Variants in TMEFF2 observed in about 807,000 individuals in gnomAD.
TMEFF2 encodes tomoregulin-2.
TMEFF2 carries 28 observed loss-of-function variants against 53.8 expected under a neutral mutation model. The ratio of observed to expected loss-of-function variants is 0.52; its 90% CI spans 0.39 to 0.71. The LOEUF is 0.71. Ranked by LOEUF, TMEFF2 falls within the 30% of genes least tolerant of loss-of-function variation. The pLI, the probability that TMEFF2 is intolerant of heterozygous loss-of-function variation, is 0.00. For synonymous variants in TMEFF2, 162 were observed against 166.3 expected, an observed-to-expected ratio of 0.97 and a Z score of 0.20; for missense variants, 353 against 455.2, an observed-to-expected ratio of 0.78 and a Z score of 2.04.
At chr2:192,167,515 A>G (rs1351898656) in intron 4 of TMEFF2, among the ~76,000 whole-genome samples, 5 of 152,192 alleles carry the variant, frequency 3.3e-5, no homozygotes, top group Non-Finnish European at 7.3e-5. Flanking sequence ...TTTCTACAAA[A>G]TGCTGAACAT....
intron 4 of TMEFF2, among the ~76,000 whole-genome samples, chr2:192,083,282 TC>T (rs2105927520): frequency 6.6e-6 from 1 of 152,230 alleles, no homozygotes; most frequent in African/African-American, 2.4e-5. Context: ...TCCTAGTCTG[TC>T]CCCAGTTCTC....
intron 4 of TMEFF2, among the ~76,000 whole-genome samples, chr2:192,101,497 A>G (rs1689030972): frequency 6.8e-6 from 1 of 148,044 alleles, no homozygotes; most frequent in Non-Finnish European, 1.5e-5. Flanking sequence ...TTTTCTCTAC[A>G]TGAATAAATA....
chr2:192,014,836 G>A (rs1686709976), intron 5 of TMEFF2, among the ~76,000 whole-genome samples: 1 of 152,156 alleles, frequency 6.6e-6, no homozygotes, highest in South Asian at 2.1e-4. Flanking sequence ...GAGTATCAAT[G>A]TATTACTTAT....
At chr2:192,050,014 A>G (rs1687728837) in intron 5 of TMEFF2, among the ~76,000 whole-genome samples, 1 of 152,154 alleles carries the variant, frequency 6.6e-6, no homozygotes, top group Admixed American at 6.5e-5. Flanking sequence ...CAAACAAACA[A>G]AAAAAGCAAG....
chr2:192,034,000 C>G (rs892567648), intron 5 of TMEFF2, among the ~76,000 whole-genome samples: 6 of 151,672 alleles, frequency 4.0e-5, no homozygotes, highest in Non-Finnish European at 7.4e-5. Flanking sequence ...ATGGTGAAAC[C>G]CCATCTCTAC....
intron 7 of TMEFF2, among the ~76,000 whole-genome samples, chr2:191,971,319 G>A (rs984220642): frequency 1.3e-5 from 2 of 152,160 alleles, no homozygotes; most frequent in African/African-American, 4.8e-5. Context: ...ATCAATAGGG[G>A]TTATAAAACA....
chr2:192,103,482 G>C (rs1200575018), intron 4 of TMEFF2, among the ~76,000 whole-genome samples: 2 of 152,052 alleles, frequency 1.3e-5, no homozygotes, highest in African/African-American at 4.8e-5. Flanking sequence ...TTCCATTTCA[G>C]ATGTACAGTA....
Position 192,140,535 on chromosome 2 carries a change from T to G in TMEFF2, c.439+39133A>C, listed in dbSNP as rs11894659. Among the ~76,000 whole-genome samples, 357 of 152,068 alleles carry G rather than the reference T, an allele frequency of 2.3e-3. 1 individual carries two copies. The highest frequency in any genetic ancestry group is 8.1e-3 in the African/African-American group (334 of 41,478). On this transcript the variant is annotated intron_variant, in intron 4 of 9. Coordinates refer to ENST00000272771, the MANE Select transcript of TMEFF2 (RefSeq NM_016192.4). ...TTCCACATTGAAAGAAATAGACTGATAAGAATGAGCAGCATTTAAAAAGAG... is the reference window on the plus strand; with the variant it reads ...TTCCACATTGAAAGAAATAGACTGAGAAGAATGAGCAGCATTTAAAAAGAG...
chr2:192,135,729 A>G (rs1192214008), intron 4 of TMEFF2, among the ~76,000 whole-genome samples: 3 of 152,206 alleles, frequency 2.0e-5, no homozygotes, highest in East Asian at 1.9e-4. Context: ...TGACTTGCAC[A>G]TATACACCCA....
intron 9 of TMEFF2, among the ~76,000 whole-genome samples, chr2:191,953,398 CATAAGGATACTAATCCAGGTAG>C (rs1691947610): frequency 6.6e-6 from 1 of 152,106 alleles, no homozygotes; most frequent in African/African-American, 2.4e-5. Context: ...GATTCAGATA[CATAAGGATACTAATCCAGGTAG>C]ATAAGGATAC....
chr2:192,087,685 A>G (rs1293843449), intron 4 of TMEFF2, among the ~76,000 whole-genome samples: 1 of 152,152 alleles, frequency 6.6e-6, no homozygotes, highest in African/African-American at 2.4e-5. Flanking sequence ...ACTCAAGATT[A>G]TATTATAAAC....
intron 5 of TMEFF2, among the ~76,000 whole-genome samples, chr2:192,002,731 G>A (rs953601173): frequency 1.3e-5 from 2 of 152,132 alleles, no homozygotes; most frequent in Admixed American, 6.6e-5. Flanking sequence ...TCAGGAGGCT[G>A]AGGCAGGAGA....
intron 2 of TMEFF2, 148 bp downstream of exon 2, chr2:192,191,732 G>A (rs968060083): frequency 5.2e-6 from 3 of 580,562 alleles, no homozygotes; most frequent in East Asian, 2.9e-5. Flanking sequence ...CTTGACATCA[G>A]TTGGCTCTCT....
intron 5 of TMEFF2, among the ~76,000 whole-genome samples, chr2:192,013,766 T>A (rs1260767605): frequency 1.3e-5 from 2 of 152,198 alleles, no homozygotes; most frequent in Non-Finnish European, 2.9e-5. Context: ...TTGATTTTTT[T>A]AATTGTCTGT....
intron 4 of TMEFF2, among the ~76,000 whole-genome samples, chr2:192,080,274 T>A (rs771243778): frequency 1.3e-5 from 2 of 152,152 alleles, no homozygotes; most frequent in Non-Finnish European, 2.9e-5. Flanking sequence ...AGAGACCAGG[T>A]GGAGGTAATT....
intron 5 of TMEFF2, among the ~76,000 whole-genome samples, chr2:192,047,867 A>T (rs1687661899): frequency 6.6e-6 from 1 of 152,194 alleles, no homozygotes; most frequent in African/African-American, 2.4e-5. Context: ...AGTTTAGATG[A>T]GTCAACACAT....
At chr2:192,041,765 G>A (rs185484660) in intron 5 of TMEFF2, among the ~76,000 whole-genome samples, 17 of 152,270 alleles carry the variant, frequency 1.1e-4, no homozygotes, top group African/African-American at 3.9e-4. Context: ...TCATACAGTG[G>A]AAATACTTTT....
Position 192,193,753 on chromosome 2 carries a change from T to TAGAGAGAGAGAGAGAGAGAG in TMEFF2, c.172+599_172+600insCTCTCTCTCTCTCTCTCTCT, listed in dbSNP as rs60273464. Among the ~76,000 whole-genome samples, 2 of 122,668 alleles carry TAGAGAGAGAGAGAGAGAGAG rather than the reference T, an allele frequency of 1.6e-5. 1 individual carries two copies. Among genetic ancestry groups the TAGAGAGAGAGAGAGAGAGAG allele is most frequent in the Non-Finnish European group, 3.5e-5 (2 of 57,300 alleles). The allele number at this position is 122,668 out of a possible 152,430, so 80.5% of individuals were successfully genotyped here. ...GAAGGGAATGAGAGAGAGAGAGAGA[T>TAGAGAGAGAGAGAGAGAGAG]AGATAGATAGAGAGAGAGAGAGAGA... On this transcript the variant is annotated intron_variant, in intron 1 of 9. Transcript: ENST00000272771.
chr2:192,100,313 T>C (rs191865637), intron 4 of TMEFF2, among the ~76,000 whole-genome samples: 1 of 152,302 alleles, frequency 6.6e-6, no homozygotes. Context: ...CAGAAAGCCT[T>C]GCCTCATGCC....
Sources: allele counts gnomAD v4.1 joint callset (sites outside exome capture counted in the v4.1 genomes callset), GRCh38; gene constraint gnomAD v4.1.1; transcripts MANE v1.5; gene names NCBI Gene and HGNC (gene_info 2026-07-23, HGNC 2026-07-21).